PPP1R9A: variants seen among roughly 807,000 people sequenced by gnomAD.
The protein encoded by PPP1R9A is protein phosphatase 1 regulatory subunit 9A.
PPP1R9A carries 59 observed loss-of-function variants against 141.9 expected under a neutral mutation model. The observed-to-expected ratio is 0.42, with a 90% CI of 0.34 to 0.52. The LOEUF (loss-of-function observed/expected upper bound fraction) is 0.52, where lower values mean the gene tolerates loss of function less well. Among genes scored for constraint, PPP1R9A ranks in the 20% least tolerant of loss-of-function variants. The probability of loss-of-function intolerance (pLI) is 0.10; values close to 1 mark genes in which losing one functional copy is unlikely to be tolerated. For missense variants in PPP1R9A, 1,444 were observed against 1,611.9 expected (o/e 0.90, Z 1.78); for synonymous variants, 500 against 569.7 (o/e 0.88, Z 1.74).
chr7:95,226,200 T>C, intron 8 of PPP1R9A, 84 bp downstream of exon 8: 1 of 1,348,888 alleles, frequency 7.4e-7, no homozygotes, highest in African/African-American at 1.5e-5. Context: ...ATATTAAGAA[T>C]AATCAGTTTG....
At chr7:95,087,484 C>T (rs900157314) in intron 2 of PPP1R9A, among the ~76,000 whole-genome samples, 8 of 151,916 alleles carry the variant, frequency 5.3e-5, no homozygotes, top group South Asian at 2.1e-4. Flanking sequence ...GGGTCATGGG[C>T]GTAATGCTTG....
intron 18 of PPP1R9A, chr7:95,287,050 T>A: frequency 6.6e-7 from 1 of 1,522,364 alleles, no homozygotes; most frequent in Non-Finnish European, 9.1e-7. Flanking sequence ...ACTATATATG[T>A]TGTGTCTCCT....
intron 2 of PPP1R9A, among the ~76,000 whole-genome samples, chr7:95,054,132 T>C (rs1165414051): frequency 1.3e-5 from 2 of 151,164 alleles, no homozygotes; most frequent in East Asian, 1.9e-4. Flanking sequence ...TTTTTTTTTT[T>C]CTGAGAGGGA....
chr7:94,939,209 G>A (rs183305479), intron 2 of PPP1R9A, among the ~76,000 whole-genome samples: 1 of 152,186 alleles, frequency 6.6e-6, no homozygotes, highest in East Asian at 1.9e-4. Context: ...TCTAGGAAAA[G>A]GGATAATAAT....
chr7:95,002,258 G>C (rs747493169), intron 2 of PPP1R9A, among the ~76,000 whole-genome samples: 1 of 152,144 alleles, frequency 6.6e-6, no homozygotes, highest in African/African-American at 2.4e-5. Flanking sequence ...TAATATTATA[G>C]ATTAGGATTT....
At chr7:95,208,956 T>TAAAAAAAAAGAAAAAAAAAA (rs1791462379) in intron 7 of PPP1R9A, among the ~76,000 whole-genome samples, 1 of 76,922 alleles carries the variant, frequency 1.3e-5, no homozygotes, top group Non-Finnish European at 2.4e-5. Context: ...ATAGCAAAAC[T>TAAAAAAAAAGAAAAAAAAAA]AAAAAAAAAA....
At chr7:95,033,361 A>G (rs900325271) in intron 2 of PPP1R9A, among the ~76,000 whole-genome samples, 4 of 151,728 alleles carry the variant, frequency 2.6e-5, no homozygotes, top group Non-Finnish European at 5.9e-5. Context: ...TCTATTTTTC[A>G]TTCTAGTGAG....
chr7:95,278,276 G>A (rs1440028277), intron 16 of PPP1R9A, among the ~76,000 whole-genome samples: 2 of 152,108 alleles, frequency 1.3e-5, no homozygotes, highest in Non-Finnish European at 2.9e-5. Context: ...TCTATATTGG[G>A]ATATGTGTAG....
At chr7:95,270,209 G>C (rs1801956117) in intron 14 of PPP1R9A, among the ~76,000 whole-genome samples, 1 of 152,146 alleles carries the variant, frequency 6.6e-6, no homozygotes, top group African/African-American at 2.4e-5. Context: ...AAAGCTTCCT[G>C]ATGCCTGGTC....
chr7:94,993,512 A>C (rs1368088649), intron 2 of PPP1R9A, among the ~76,000 whole-genome samples: 1 of 152,142 alleles, frequency 6.6e-6, no homozygotes, highest in African/African-American at 2.4e-5. Flanking sequence ...AGCAATATGG[A>C]GTTTTTGTGA....
intron 2 of PPP1R9A, among the ~76,000 whole-genome samples, chr7:94,958,798 G>A (rs1219332880): frequency 6.6e-6 from 1 of 151,868 alleles, no homozygotes; most frequent in Middle Eastern, 3.2e-3. Context: ...TTTTTAAAAT[G>A]GATTTGGTTA....
intron 5 of PPP1R9A, among the ~76,000 whole-genome samples, chr7:95,179,409 C>T (rs1387432261): frequency 3.3e-5 from 5 of 152,052 alleles, no homozygotes; most frequent in Non-Finnish European, 7.4e-5. Context: ...AAACCCACAG[C>T]CATCATAATA....
At chr7:95,008,763 C>G (rs1803978262) in intron 2 of PPP1R9A, among the ~76,000 whole-genome samples, 1 of 152,074 alleles carries the variant, frequency 6.6e-6, no homozygotes, top group Non-Finnish European at 1.5e-5. Context: ...CATGGTCACA[C>G]CTACCCCATT....
chr7:95,049,437 C>T (rs1810484490), intron 2 of PPP1R9A, among the ~76,000 whole-genome samples: 1 of 152,270 alleles, frequency 6.6e-6, no homozygotes, highest in South Asian at 2.1e-4. Context: ...TAAAGAGAGG[C>T]TCCATACATA....
chr7:94,910,697 C>T lies in PPP1R9A; in HGVS notation c.584C>T (p.Thr195Ile), dbSNP rs1244487218. 2 of 1,614,056 alleles carry T rather than the reference C, an allele frequency of 1.2e-6. No homozygotes were observed. Among genetic ancestry groups the T allele is most frequent in the African/African-American group, 2.7e-5 (2 of 74,914 alleles). The stretch of plus-strand genomic sequence containing the variant: ...TCCTTGGACAGCCTTAGCTCCCGAA[C>T]TGAGGCTGTCTCCCCAACTGTGAGT... ...TDSLDSLSSR[T>I]EAVSPTVSQL... Residue 195 changes from threonine to isoleucine, a missense_variant, in exon 2 of 20, where the codon ACT becomes ATT. This residue lies in a region of PPP1R9A where 490 missense variants were observed against 521.1 expected (regional missense o/e 0.94). Transcript: ENST00000433360. This position sits in a 1 kb window ranked among gnomAD's most constrained non-coding sequence, Gnocchi z 4.5.
chr7:95,054,263 C>T (rs2152022553), intron 2 of PPP1R9A, among the ~76,000 whole-genome samples: 1 of 151,208 alleles, frequency 6.6e-6, no homozygotes, highest in East Asian at 2.0e-4. Context: ...TTACAGGCGC[C>T]CACCACCACG....
At chr7:94,953,744 G>T (rs1796745042) in intron 2 of PPP1R9A, among the ~76,000 whole-genome samples, 1 of 152,080 alleles carries the variant, frequency 6.6e-6, no homozygotes, top group Non-Finnish European at 1.5e-5. Context: ...GTTCACTCAT[G>T]ATTTGGCTCT....
At chr7:95,285,144 G>A (rs184211850) in intron 17 of PPP1R9A, among the ~76,000 whole-genome samples, 35 of 152,174 alleles carry the variant, frequency 2.3e-4, no homozygotes, top group Non-Finnish European at 1.6e-4. Flanking sequence ...GAGTTTGTTC[G>A]GTACTGAATT....
At position 95,115,680 on chromosome 7, in the gene PPP1R9A, A is replaced by T. The variant is rs151238938; in HGVS notation, c.1528+4289A>T. On this transcript the variant is annotated intron_variant, in intron 3 of 19. Coordinates refer to ENST00000433360, the MANE Select transcript of PPP1R9A (RefSeq NM_001166160.2). ...ATGTCTATAATCCCAGCACTTTGGG[A>T]GGCTGAGATGGGCGGATCACGAAAT... Among the ~76,000 whole-genome samples, 954 of 152,176 alleles carry T rather than the reference A, an allele frequency of 6.3e-3. 5 individuals are homozygous for T. Among genetic ancestry groups the T allele is most frequent in the Non-Finnish European group, 0.01 (695 of 67,980 alleles).
Sources: allele counts gnomAD v4.1 joint callset (sites outside exome capture counted in the v4.1 genomes callset), GRCh38; gene constraint gnomAD v4.1.1; regional missense constraint gnomAD v4.1.1; non-coding constraint Gnocchi (gnomAD v3.1); transcripts MANE v1.5; gene names NCBI Gene and HGNC (gene_info 2026-07-23, HGNC 2026-07-21).